Variants in ADGRL3 observed in about 807,000 individuals in gnomAD.
ADGRL3 encodes the protein calcium-independent alpha-latrotoxin receptor 3.
ADGRL3 carries 62 observed loss-of-function variants against 153.5 expected under a neutral mutation model. The ratio of observed to expected loss-of-function variants is 0.40; its 90% CI spans 0.33 to 0.50. The LOEUF (loss-of-function observed/expected upper bound fraction) is 0.50. Among genes scored for constraint, ADGRL3 ranks in the 20% least tolerant of loss-of-function variants. The pLI is 0.47. For synonymous variants in ADGRL3, 710 were observed against 672.5 expected (o/e 1.06, Z -0.86); for missense variants, 1,641 against 1,859.4 (o/e 0.88, Z 2.16).
intron 11 of ADGRL3, among the ~76,000 whole-genome samples, chr4:61,897,343 A>G (rs1449669749): frequency 2.0e-5 from 3 of 152,172 alleles, no homozygotes; most frequent in Non-Finnish European, 4.4e-5. Flanking sequence ...AAATCTTAAA[A>G]AGTGTAACAA....
intron 2 of ADGRL3, among the ~76,000 whole-genome samples, chr4:61,458,167 A>G (rs1289932891): frequency 6.6e-6 from 1 of 151,524 alleles, no homozygotes; most frequent in Admixed American, 6.6e-5. Flanking sequence ...TTCCACTGTT[A>G]TTTAATTTGT....
intron 2 of ADGRL3, among the ~76,000 whole-genome samples, chr4:61,434,812 GT>G (rs2097424068): frequency 6.6e-6 from 1 of 151,982 alleles, no homozygotes; most frequent in South Asian, 2.1e-4. Flanking sequence ...CTCACAGCTT[GT>G]TTTAACTGAT....
chr4:61,477,079 G>A (rs528134182), intron 2 of ADGRL3, among the ~76,000 whole-genome samples: 3 of 151,884 alleles, frequency 2.0e-5, no homozygotes, highest in Non-Finnish European at 2.9e-5. Context: ...TATCTGATAC[G>A]TAATTTAAAA....
intron 1 of ADGRL3, among the ~76,000 whole-genome samples, chr4:61,307,832 C>A (rs2094849100): frequency 6.6e-6 from 1 of 152,098 alleles, no homozygotes; most frequent in Non-Finnish European, 1.5e-5. Context: ...AGTTTTTGTC[C>A]TGTTGGTTGG....
chr4:61,553,887 C>G (rs1050227767), intron 4 of ADGRL3, among the ~76,000 whole-genome samples: 1 of 152,018 alleles, frequency 6.6e-6, no homozygotes, highest in African/African-American at 2.4e-5. Context: ...TTTAAATTAG[C>G]TTATGCAAAT....
intron 2 of ADGRL3, among the ~76,000 whole-genome samples, chr4:61,390,817 T>C (rs1332489774): frequency 1.7e-4 from 26 of 152,170 alleles, no homozygotes; most frequent in Non-Finnish European, 7.3e-5. Context: ...GCTGCTTCTG[T>C]GTAGTCAAAC....
intron 3 of ADGRL3, among the ~76,000 whole-genome samples, chr4:61,501,087 C>T (rs2098382063): frequency 6.6e-6 from 1 of 152,282 alleles, no homozygotes; most frequent in Middle Eastern, 3.4e-3. Context: ...GTTCTGAAGC[C>T]TGACAGACCA....
intron 5 of ADGRL3, among the ~76,000 whole-genome samples, chr4:61,669,668 A>G (rs141920963): frequency 2.0e-5 from 3 of 152,212 alleles, no homozygotes; most frequent in Non-Finnish European, 4.4e-5. Context: ...TCTTGGGTAT[A>G]CTAAGTGGAT....
At chr4:61,358,877 T>C (rs1380127151) in intron 1 of ADGRL3, among the ~76,000 whole-genome samples, 1 of 152,182 alleles carries the variant, frequency 6.6e-6, no homozygotes, top group Non-Finnish European at 1.5e-5. Flanking sequence ...TTTTTACCTC[T>C]AGCCCAAATG....
Position 61,373,067 on chromosome 4 carries a change from A to G in ADGRL3, c.-239-10057A>G, listed in dbSNP as rs187759654. 1.1e-4 allele frequency among the ~76,000 whole-genome samples: 17 copies of G among 152,274 alleles called. No homozygotes were observed. The East Asian group carries it at 3.3e-3, about 29-fold the overall frequency. Reference sequence around the variant, plus strand: ...CCCCTTGTGCTTCCCGAGTGAGGCAATGCCTCGCCCTGCTTCGGCTCGTGC... The same window carrying G: ...CCCCTTGTGCTTCCCGAGTGAGGCAGTGCCTCGCCCTGCTTCGGCTCGTGC... On this transcript the variant is annotated intron_variant, in intron 1 of 26. Coordinates refer to ENST00000683033, the MANE Select transcript of ADGRL3 (RefSeq NM_001387552.1).
At chr4:61,353,600 A>ATTTTTTTTT (rs34199193) in intron 1 of ADGRL3, among the ~76,000 whole-genome samples, 1 of 118,838 alleles carries the variant, frequency 8.4e-6, no homozygotes. Context: ...TTTTCTTTCA[A>ATTTTTTTTT]TTTTTTTTTT....
chr4:61,523,387 T>C (rs778717570), intron 4 of ADGRL3, among the ~76,000 whole-genome samples: 1 of 152,126 alleles, frequency 6.6e-6, no homozygotes, highest in Non-Finnish European at 1.5e-5. Flanking sequence ...TAGAGTGCTG[T>C]GTTAGCTGCC....
At chr4:61,917,092 A>G (rs992875803) in intron 13 of ADGRL3, among the ~76,000 whole-genome samples, 1 of 152,238 alleles carries the variant, frequency 6.6e-6, no homozygotes. Context: ...TTAACTTAAC[A>G]GATGAAAAAA....
intron 5 of ADGRL3, among the ~76,000 whole-genome samples, chr4:61,628,883 C>G (rs1266126457): frequency 6.6e-6 from 1 of 152,146 alleles, no homozygotes; most frequent in South Asian, 2.1e-4. Flanking sequence ...GTATATAAAA[C>G]CCCCAGAGAG....
chr4:61,215,930 G>T (rs1233433804), intron 1 of ADGRL3, among the ~76,000 whole-genome samples: 1 of 151,936 alleles, frequency 6.6e-6, no homozygotes, highest in Non-Finnish European at 1.5e-5. Flanking sequence ...AACTTGTATC[G>T]AATTAGTCAT....
intron 9 of ADGRL3, among the ~76,000 whole-genome samples, chr4:61,825,518 ATGATAC>A (rs2148791575): frequency 6.6e-6 from 1 of 152,340 alleles, no homozygotes; most frequent in African/African-American, 2.4e-5. Flanking sequence ...TGGTTTAATT[ATGATAC>A]AATTTTAATT....
chr4:62,065,641 A>G (rs1742590376), intron 25 of ADGRL3, among the ~76,000 whole-genome samples: 1 of 152,048 alleles, frequency 6.6e-6, no homozygotes, highest in Admixed American at 6.6e-5. Flanking sequence ...ACAAATAATA[A>G]ATTTGGACCA....
chr4:61,784,266 TA>T (rs2097251644), intron 8 of ADGRL3, among the ~76,000 whole-genome samples: 1 of 152,162 alleles, frequency 6.6e-6, no homozygotes, highest in South Asian at 2.1e-4. Flanking sequence ...ATCAAGGATC[TA>T]AAATTAAAAG....
intron 4 of ADGRL3, among the ~76,000 whole-genome samples, chr4:61,571,911 A>G (rs1390101043): frequency 1.3e-5 from 2 of 152,178 alleles, no homozygotes; most frequent in Non-Finnish European, 2.9e-5. Context: ...ATTCATATTC[A>G]TCTCCCAGAG....
Sources: gnomAD v4.1 joint callset for allele counts (sites outside exome capture counted in the v4.1 genomes callset) on GRCh38, gnomAD v4.1.1 for gene constraint, MANE v1.5 for transcripts, NCBI Gene and HGNC (gene_info 2026-07-23, HGNC 2026-07-21) for gene names.